The following ENOX1 variants were observed in gnomAD, a reference collection of about 807,000 sequenced individuals.
The protein encoded by ENOX1 is ecto-NOX disulfide-thiol exchanger 1.
In ENOX1, 42 loss-of-function variants were observed where a neutral mutation model predicts 82.5. The ratio of observed to expected loss-of-function variants is 0.51; its 90% CI spans 0.40 to 0.66. The LOEUF (loss-of-function observed/expected upper bound fraction) is 0.66, where lower values mean the gene tolerates loss of function less well. Ranked by LOEUF, ENOX1 falls within the 30% of genes least tolerant of loss-of-function variation. The pLI is 0.00. For synonymous variants in ENOX1, 271 were observed against 282.2 expected, an observed-to-expected ratio of 0.96 and a Z score of 0.40; for missense variants, 608 against 811.6, an observed-to-expected ratio of 0.75 and a Z score of 3.05.
In ENOX1 at chr13:43,623,959, T is replaced by C. The variant is rs147729760; in HGVS notation, c.-219+43520A>G. On this transcript the variant is annotated intron_variant, in intron 2 of 16. Coordinates refer to ENST00000690772, the MANE Select transcript of ENOX1 (RefSeq NM_001347969.2). Reference sequence around the variant, plus strand: ...AGATAAATGCCCAGGAATGCCATTATTGGTCTGTATGATAGTTGCGTGTTT... The same window carrying C: ...AGATAAATGCCCAGGAATGCCATTACTGGTCTGTATGATAGTTGCGTGTTT... Among the ~76,000 whole-genome samples the C allele has an allele frequency of 2.0e-5, 3 of 152,308 alleles. No individual in the cohort carries two copies. In the East Asian group the frequency reaches 5.8e-4, roughly 29 times the overall value.
chr13:43,415,232 G>GTTTTTTTTTTTTTTTT (rs71202260), intron 3 of ENOX1, among the ~76,000 whole-genome samples: 2 of 54,634 alleles, frequency 3.7e-5, no homozygotes, highest in Admixed American at 3.1e-4. Flanking sequence ...CCAATCCAAT[G>GTTTTTTTTTTTTTTTT]TTTTTTTTTT....
At chr13:43,611,989 G>GT (rs1379125891) in intron 2 of ENOX1, among the ~76,000 whole-genome samples, 2 of 152,178 alleles carry the variant, frequency 1.3e-5, no homozygotes, top group African/African-American at 2.4e-5. Flanking sequence ...CAATTCAGCA[G>GT]TTTTTTACAG....
chr13:43,344,303 T>C (rs1038146101), intron 9 of ENOX1, among the ~76,000 whole-genome samples: 1 of 152,218 alleles, frequency 6.6e-6, no homozygotes, highest in Admixed American at 6.5e-5. Context: ...CCAGGCTTGC[T>C]GTTCTGAGGA....
chr13:43,574,502 T>A (rs368346811), intron 2 of ENOX1, among the ~76,000 whole-genome samples: 1 of 152,208 alleles, frequency 6.6e-6, no homozygotes, highest in Non-Finnish European at 1.5e-5. Flanking sequence ...ATGTTTTGGG[T>A]TAAAATCAAT....
intron 1 of ENOX1, among the ~76,000 whole-genome samples, chr13:43,709,770 A>G (rs2087563936): frequency 6.6e-6 from 1 of 152,228 alleles, no homozygotes; most frequent in Non-Finnish European, 1.5e-5. Context: ...TGAGAAAAGA[A>G]TATCAAATCT....
chr13:43,636,346 T>C (rs2083413838), intron 2 of ENOX1, among the ~76,000 whole-genome samples: 1 of 152,202 alleles, frequency 6.6e-6, no homozygotes, highest in Non-Finnish European at 1.5e-5. Context: ...TAATAACTGT[T>C]TCATGGAACC....
In ENOX1 at chr13:43,606,381, C is replaced by T. The variant is rs528161704; in HGVS notation, c.-219+61098G>A. ...CTCTCATGTTTATTGCAGCACTATTCGCAATAGCCATGGTTTGGAAGCCCT... is the reference window on the plus strand; with the variant it reads ...CTCTCATGTTTATTGCAGCACTATTTGCAATAGCCATGGTTTGGAAGCCCT... On this transcript the variant is annotated intron_variant, in intron 2 of 16. Transcript: ENST00000690772. Among the ~76,000 whole-genome samples, 8 of 152,070 alleles carry T rather than the reference C, an allele frequency of 5.3e-5. No homozygotes were observed. The East Asian group carries it at 1.5e-3, about 29-fold the overall frequency.
chr13:43,635,736 A>G (rs2083389045), intron 2 of ENOX1, among the ~76,000 whole-genome samples: 1 of 152,200 alleles, frequency 6.6e-6, no homozygotes, highest in African/African-American at 2.4e-5. Flanking sequence ...TTAGACTTGC[A>G]GTTAAAGAGA....
At chr13:43,220,162 G>A (rs1394117828) in intron 16 of ENOX1, among the ~76,000 whole-genome samples, 1 of 151,926 alleles carries the variant, frequency 6.6e-6, no homozygotes, top group African/African-American at 2.4e-5. Context: ...AACTGGTAGA[G>A]GAAGGGAAGG....
Position 43,269,350 on chromosome 13 carries a change from G to A in ENOX1, c.1554+120C>T. 11 of 777,614 alleles carry A rather than the reference G, an allele frequency of 1.4e-5. No homozygotes were observed. In the South Asian group the frequency reaches 1.5e-4, roughly 10 times the overall value. The allele number at this position is 777,614 out of a possible 1,614,324, so 48.2% of individuals were successfully genotyped here. ...CAAAGCTGCTAGGAAGTTTGACAGGGTTCAGACTAATTGTACTGCAGATTA... is the reference window on the plus strand; with the variant it reads ...CAAAGCTGCTAGGAAGTTTGACAGGATTCAGACTAATTGTACTGCAGATTA... On this transcript the variant is annotated intron_variant, in intron 13 of 16. Coordinates refer to ENST00000690772, the MANE Select transcript of ENOX1 (RefSeq NM_001347969.2).
At chr13:43,517,158 T>C (rs1056281140) in intron 2 of ENOX1, among the ~76,000 whole-genome samples, 10 of 152,118 alleles carry the variant, frequency 6.6e-5, no homozygotes, top group African/African-American at 2.4e-4. Context: ...TTATATTTTA[T>C]GGTGGAATAT....
chr13:43,530,152 A>G (rs1018210451), intron 2 of ENOX1, among the ~76,000 whole-genome samples: 1 of 152,146 alleles, frequency 6.6e-6, no homozygotes, highest in Non-Finnish European at 1.5e-5. Context: ...TAGTATTTCA[A>G]ACAATACCTA....
At chr13:43,748,245 A>C (rs1950131457) in intron 1 of ENOX1, among the ~76,000 whole-genome samples, 1 of 152,192 alleles carries the variant, frequency 6.6e-6, no homozygotes, top group African/African-American at 2.4e-5. Context: ...ATGGACTTCA[A>C]CAGACTACCA....
chr13:43,346,054 G>C (rs1194739734), intron 8 of ENOX1, among the ~76,000 whole-genome samples: 1 of 152,122 alleles, frequency 6.6e-6, no homozygotes, highest in Admixed American at 6.5e-5. Context: ...ATCAATCATT[G>C]AGTTCTTATT....
At chr13:43,231,997 C>G (rs969329564) in intron 15 of ENOX1, among the ~76,000 whole-genome samples, 2 of 152,098 alleles carry the variant, frequency 1.3e-5, no homozygotes, top group African/African-American at 4.8e-5. Flanking sequence ...CTGCTCACAG[C>G]TCACTGCAGC....
intron 2 of ENOX1, among the ~76,000 whole-genome samples, chr13:43,535,594 A>T (rs2078424639): frequency 6.6e-6 from 1 of 152,214 alleles, no homozygotes; most frequent in Non-Finnish European, 1.5e-5. Flanking sequence ...GGACCTCAGA[A>T]ATCTTCACCA....
In ENOX1 at chr13:43,533,182, G is replaced by A. The variant is rs145589272; in HGVS notation, c.-218-49030C>T. ...GAGAAATGTGCACCCGGTGAGTAAT[G>A]ACCTGATTTTGGAGCCACAGTTCAT... On this transcript the variant is annotated intron_variant, in intron 2 of 16. Coordinates refer to ENST00000690772, the MANE Select transcript of ENOX1 (RefSeq NM_001347969.2). 7.9e-3 allele frequency among the ~76,000 whole-genome samples: 1,196 copies of A among 152,168 alleles called. 6 individuals carry two copies. The highest frequency in any genetic ancestry group is 0.011 in the Non-Finnish European group (754 of 67,968).
At chr13:43,499,236 A>T (rs1458579963) in intron 2 of ENOX1, among the ~76,000 whole-genome samples, 1 of 152,120 alleles carries the variant, frequency 6.6e-6, no homozygotes, top group African/African-American at 2.4e-5. Flanking sequence ...GTGGTATCCT[A>T]GACTGGATCC....
chr13:43,441,668 G>A (rs907762562), intron 3 of ENOX1, among the ~76,000 whole-genome samples: 20 of 150,062 alleles, frequency 1.3e-4, no homozygotes, highest in African/African-American at 3.5e-4. Flanking sequence ...GCCCGAAGGC[G>A]GCACTGCGGG....
Sources: allele counts gnomAD v4.1 joint callset (sites outside exome capture counted in the v4.1 genomes callset), GRCh38; gene constraint gnomAD v4.1.1; transcripts MANE v1.5; gene names NCBI Gene and HGNC (gene_info 2026-07-23, HGNC 2026-07-21).